NECAB2: variants seen among roughly 807,000 people sequenced by gnomAD.
NECAB2 encodes N-terminal EF-hand calcium-binding protein 2.
A neutral mutation model predicts 51.9 loss-of-function variants in NECAB2; 68 were observed. The observed-to-expected ratio is 1.31, with a 90% confidence interval of 1.08 to 1.60. The LOEUF is 1.60. Ranked by LOEUF, NECAB2 falls within the 40% of genes most tolerant of loss-of-function variation. The probability of loss-of-function intolerance (pLI) is 0.00; values close to 1 mark genes in which losing one functional copy is unlikely to be tolerated. For missense variants in NECAB2, 854 were observed against 490.3 expected, an observed-to-expected ratio of 1.74 and a Z score of -7.00; for synonymous variants, 329 against 203.5, an observed-to-expected ratio of 1.62 and a Z score of -5.25.
Position 83,994,796 on chromosome 16 carries a change from C to G in NECAB2, c.795+108C>G, listed in dbSNP as rs183644882. On this transcript the variant is annotated intron_variant, in intron 8 of 12. Transcript: ENST00000305202. The stretch of plus-strand genomic sequence containing the variant: ...TCTGGGCTGCAGAGGGGCCAGGGAA[C>G]CATGAAAAAGACATCCCCCAGGTGG... 6.2e-6 allele frequency: 8 copies of G among 1,290,904 alleles called. No individual in the cohort carries two copies. The Middle Eastern group carries it at 5.6e-4, about 90-fold the overall frequency. 80.0% of individuals were successfully genotyped at this position (1,290,904 alleles called of 1,614,324 possible). A position where few individuals can be genotyped will look rare whatever the true frequency, so the allele number is the denominator to read the frequency against.
chr16:83,978,649 C>A lies in NECAB2; in HGVS notation c.335+97C>A, dbSNP rs1041997567. ...TCCGTTCCTAGTCCCCTGTAAGGGG[C>A]AGGAGAACTGAAAATCCCCAAATTT... is the stretch of plus-strand genomic sequence containing the variant. On this transcript the variant is annotated intron_variant, in intron 3 of 12. Transcript: ENST00000305202. 4.7e-6 allele frequency: 5 copies of A among 1,067,398 alleles called. No individual in the cohort carries two copies. The African/African-American group carries it at 8.2e-5, about 17-fold the overall frequency. 66.1% of individuals were successfully genotyped at this position (1,067,398 alleles called of 1,614,324 possible). A position where few individuals can be genotyped will look rare whatever the true frequency, so the allele number is the denominator to read the frequency against.
rs535010903 is a variant in NECAB2, at chr16:83,998,657, T to G, written c.962+340T>G. On this transcript the variant is annotated intron_variant, in intron 10 of 12. Coordinates refer to ENST00000305202, the MANE Select transcript of NECAB2 (RefSeq NM_019065.3). ...GCTGGGCCTGGTGTGCCCCGTGCGC[T>G]CAGTCAGCCTCAGCTGCTGCTGTCA... Among the ~76,000 whole-genome samples the G allele has an allele frequency of 1.4e-4, 21 of 152,314 alleles. No homozygotes were observed. In the East Asian group the frequency reaches 3.5e-3, roughly 25 times the overall value.
chr16:83,968,536 G>A lies in NECAB2; in HGVS notation c.-113G>A. 1.1e-6 allele frequency: 1 copy of A among 870,834 alleles called. No individual in the cohort carries two copies. The highest frequency in any genetic ancestry group is 1.4e-6 in the Non-Finnish European group (1 of 728,620). The allele number at this position is 870,834 out of a possible 1,614,324, so 53.9% of individuals were successfully genotyped here. ...CGCGGTGTCCGCGGCCGCGGGGGCAGCGGGAGAGAGGGCGGGGCGGCGCGG... is the reference window on the plus strand; with the variant it reads ...CGCGGTGTCCGCGGCCGCGGGGGCAACGGGAGAGAGGGCGGGGCGGCGCGG... On this transcript the variant is annotated 5_prime_UTR_variant, in exon 1 of 13. Transcript: ENST00000305202.
At chr16:83,993,083 C>T (rs2084646950) in intron 6 of NECAB2, among the ~76,000 whole-genome samples, 1 of 152,118 alleles carries the variant, frequency 6.6e-6, no homozygotes, top group African/African-American at 2.4e-5. Flanking sequence ...ACCTCTGTTC[C>T]ACACATGCCC....
upstream of NECAB2, chr16:83,965,477 C>T (rs150935446): frequency 5.6e-6 from 9 of 1,607,530 alleles, no homozygotes; most frequent in Admixed American, 1.7e-5. Flanking sequence ...CGACGCGGTC[C>T]TCTACGCCCG....
At chr16:83,995,618 T>C (rs1408928474) in intron 8 of NECAB2, among the ~76,000 whole-genome samples, 1 of 152,178 alleles carries the variant, frequency 6.6e-6, no homozygotes, top group East Asian at 1.9e-4. Flanking sequence ...ACCCTGGGAT[T>C]GAGGTGGTTT....
rs772200585 is a variant in NECAB2 at position 83,994,694 on chromosome 16, C to T, written c.795+6C>T. On this transcript the variant is annotated splice_donor_region_variant and intron_variant, in intron 8 of 12. Transcript: ENST00000305202. ...TTGGGAGGCTGGAGAGCAAAGTAAG[C>T]CCTGGCCTGACCACGGCGTCTACTC... 6.2e-7 allele frequency: 1 copy of T among 1,613,952 alleles called. No individual in the cohort carries two copies. The highest frequency in any genetic ancestry group is 8.5e-7 in the Non-Finnish European group (1 of 1,179,974).
chr16:83,968,611 TCGGCGGGCTTCCGGGCGGCGG>T lies in NECAB2; in HGVS notation c.-29_-9del. On this transcript the variant is annotated 5_prime_UTR_variant, in exon 1 of 13. Coordinates refer to ENST00000305202, the MANE Select transcript of NECAB2 (RefSeq NM_019065.3). ...GGGGCGGGCCGCAGCTGGGCGGGGG[TCGGCGGGCTTCCGGGCGGCGG>T]CGGCGGGCGCGGCGCGATGTGCGAG... 1.0e-6 allele frequency: 1 copy of T among 971,122 alleles called. No homozygotes were observed. The highest frequency in any genetic ancestry group is 1.2e-6 in the Non-Finnish European group (1 of 823,980). The allele number at this position is 971,122 out of a possible 1,614,324, so 60.2% of individuals were successfully genotyped here.
At chr16:83,969,053 C>T (rs1039622373) in intron 1 of NECAB2, among the ~76,000 whole-genome samples, 1 of 151,354 alleles carries the variant, frequency 6.6e-6, no homozygotes, top group African/African-American at 2.4e-5. Flanking sequence ...CTCCCTGGAC[C>T]GGGAGACCCC....
chr16:84,001,730 C>T, intron 11 of NECAB2, 95 bp from the exon 12 acceptor site: 1 of 1,346,898 alleles, frequency 7.4e-7, no homozygotes, highest in Non-Finnish European at 1.0e-6. Context: ...TATTGATAAG[C>T]TCCCCATTTT....
intron 5 of NECAB2, among the ~76,000 whole-genome samples, chr16:83,984,445 G>A (rs1000715280): frequency 1.3e-5 from 2 of 151,734 alleles, no homozygotes; most frequent in African/African-American, 2.4e-5. Context: ...ATCTGCTGCC[G>A]CTCACGGTGG....
chr16:83,998,813 G>T (rs1162021589), intron 10 of NECAB2, among the ~76,000 whole-genome samples: 7 of 127,936 alleles, frequency 5.5e-5, no homozygotes, highest in Admixed American at 5.1e-4. Context: ...TCCCCCTGAT[G>T]TGCTGAGATG....
At chr16:84,001,940 G>T (rs1373219932) in intron 12 of NECAB2, 24 bp downstream of exon 12, 1 of 1,608,816 alleles carries the variant, frequency 6.2e-7, no homozygotes, top group African/African-American at 1.3e-5. Context: ...GCCTGGAACT[G>T]CAGTGGCCAC....
intron 2 of NECAB2, among the ~76,000 whole-genome samples, chr16:83,973,927 C>A (rs1201675066): frequency 6.6e-6 from 1 of 152,086 alleles, no homozygotes; most frequent in African/African-American, 2.4e-5. Context: ...GTGTGCAGCT[C>A]TGCAGGAGCC....
chr16:84,001,069 G>C (rs535503853), intron 11 of NECAB2, among the ~76,000 whole-genome samples: 145 of 152,218 alleles, frequency 9.5e-4, no homozygotes, highest in Non-Finnish European at 1.8e-3. Context: ...TTGTCCTCCT[G>C]GAACAGCCCT....
intron 1 of NECAB2, among the ~76,000 whole-genome samples, chr16:83,970,158 G>A (rs1337872066): frequency 6.6e-6 from 1 of 152,190 alleles, no homozygotes; most frequent in East Asian, 1.9e-4. Flanking sequence ...TCAGGGTGGG[G>A]GCTCTGAGGT....
In NECAB2 at chr16:83,999,996, C is replaced by T. The variant is rs575847983; in HGVS notation, c.963-728C>T. Among the ~76,000 whole-genome samples, 47 of 152,150 alleles carry T rather than the reference C, an allele frequency of 3.1e-4. 1 individual carries two copies. Among genetic ancestry groups the T allele is most frequent in the South Asian group, 1.2e-3 (6 of 4,822 alleles). On this transcript the variant is annotated intron_variant, in intron 10 of 12. Transcript: ENST00000305202. The stretch of plus-strand genomic sequence containing the variant: ...CTCACCAGAGGGTTTAAATGAGTCT[C>T]ATGCCTCAGTGTCCTGCATCGCTGG...
At chr16:83,993,407 G>C (rs2084651207) in intron 6 of NECAB2, 1 of 153,342 alleles carries the variant, frequency 6.5e-6, no homozygotes, top group South Asian at 2.0e-4. Context: ...AGGTTCACAA[G>C]AGACAAATTC....
At chr16:84,001,352 C>T (rs1389309139) in intron 11 of NECAB2, among the ~76,000 whole-genome samples, 1 of 152,030 alleles carries the variant, frequency 6.6e-6, no homozygotes, top group East Asian at 1.9e-4. Flanking sequence ...GTAGCCCATG[C>T]CCCCATCTCC....
Sources: gnomAD v4.1 joint callset for allele counts (sites outside exome capture counted in the v4.1 genomes callset) on GRCh38, gnomAD v4.1.1 for gene constraint, MANE v1.5 for transcripts, NCBI Gene and HGNC (gene_info 2026-07-23, HGNC 2026-07-21) for gene names.